Variants in KCNAB1 observed in about 807,000 individuals in gnomAD.
The protein encoded by KCNAB1 is potassium voltage-gated channel subfamily A regulatory beta subunit 1, also known as voltage-gated potassium channel subunit beta-1.
A neutral mutation model predicts 64.6 loss-of-function variants in KCNAB1; 35 were observed. That is an observed-to-expected ratio of 0.54 (90% CI 0.41 to 0.72). KCNAB1 has a LOEUF of 0.72. Among genes scored for constraint, KCNAB1 ranks in the 30% least tolerant of loss-of-function variants. KCNAB1 has a pLI of 0.00. For synonymous variants in KCNAB1, 177 were observed against 183.8 expected (o/e 0.96, Z 0.30); for missense variants, 401 against 512.9 (o/e 0.78, Z 2.11).
At chr3:156,139,067 A>C (rs1714541427) in intron 1 of KCNAB1, among the ~76,000 whole-genome samples, 1 of 152,234 alleles carries the variant, frequency 6.6e-6, no homozygotes, top group Non-Finnish European at 1.5e-5. Context: ...AAGGAAAGCA[A>C]GAAAGACATT....
intron 2 of KCNAB1, among the ~76,000 whole-genome samples, chr3:156,439,700 C>T (rs906819113): frequency 2.0e-5 from 3 of 152,220 alleles, no homozygotes; most frequent in East Asian, 1.9e-4. Flanking sequence ...CATCACCAGA[C>T]GAGATCTTTG....
intron 1 of KCNAB1, among the ~76,000 whole-genome samples, chr3:156,373,148 T>G (rs1726426610): frequency 6.6e-6 from 1 of 152,260 alleles, no homozygotes; most frequent in Non-Finnish European, 1.5e-5. Flanking sequence ...CTGAGCTTCT[T>G]AGGTCAAACA....
intron 8 of KCNAB1, among the ~76,000 whole-genome samples, chr3:156,493,809 G>A (rs1427867175): frequency 6.6e-6 from 1 of 152,092 alleles, no homozygotes; most frequent in Non-Finnish European, 1.5e-5. Context: ...ATTTCCTAGT[G>A]ATTAAATTCA....
At chr3:156,201,085 T>G (rs1714302467) in intron 1 of KCNAB1, among the ~76,000 whole-genome samples, 1 of 152,172 alleles carries the variant, frequency 6.6e-6, no homozygotes. Flanking sequence ...CCTAGCTCCT[T>G]GCACTTCCCA....
chr3:156,408,637 G>A (rs572374843), intron 1 of KCNAB1, among the ~76,000 whole-genome samples: 2 of 151,944 alleles, frequency 1.3e-5, no homozygotes, highest in African/African-American at 2.4e-5. Context: ...AAAATTAGCC[G>A]GGTGTGGTGG....
intron 2 of KCNAB1, among the ~76,000 whole-genome samples, chr3:156,427,023 G>C (rs1715867565): frequency 6.6e-6 from 1 of 152,188 alleles, no homozygotes; most frequent in Non-Finnish European, 1.5e-5. Flanking sequence ...AGTTGATGAT[G>C]AGGCAGTGGT....
intron 12 of KCNAB1, among the ~76,000 whole-genome samples, chr3:156,528,764 C>G (rs914829529): frequency 6.6e-6 from 1 of 152,166 alleles, no homozygotes; most frequent in Admixed American, 6.5e-5. Flanking sequence ...GATTTAAAGA[C>G]AGGTGAGTGC....
At chr3:156,538,660 G>A (rs1719241981), downstream of KCNAB1, 1 of 152,114 alleles carries the variant, frequency 6.6e-6, no homozygotes, top group Non-Finnish European at 1.5e-5. Context: ...TTCCATATAT[G>A]TAAAACATAC....
At chr3:156,502,975 GT>G (rs1234104071) in intron 8 of KCNAB1, among the ~76,000 whole-genome samples, 1 of 152,170 alleles carries the variant, frequency 6.6e-6, no homozygotes. Flanking sequence ...CATTTTGAGT[GT>G]TTTTAAATGA....
intron 1 of KCNAB1, among the ~76,000 whole-genome samples, chr3:156,319,276 C>T (rs1192999189): frequency 6.6e-6 from 1 of 152,158 alleles, no homozygotes; most frequent in Non-Finnish European, 1.5e-5. Context: ...CCCAAGATCT[C>T]AGCAGCTTTA....
At chr3:156,531,065 A>G (rs1718669424) in intron 12 of KCNAB1, among the ~76,000 whole-genome samples, 1 of 152,226 alleles carries the variant, frequency 6.6e-6, no homozygotes, top group African/African-American at 2.4e-5. Flanking sequence ...ATAGTAGGCT[A>G]GCAATTGGAA....
rs1378312225 is a variant in KCNAB1, at chr3:156,493,001, A to G, written c.658+18181A>G. Reference sequence around the variant, plus strand: ...TAAATACTGTGCATGTATTACTTTGACAAAGCTAAAGAGTAAAACAATAAC... The same window carrying G: ...TAAATACTGTGCATGTATTACTTTGGCAAAGCTAAAGAGTAAAACAATAAC... On this transcript the variant is annotated intron_variant, in intron 8 of 13. Coordinates refer to ENST00000490337, the MANE Select transcript of KCNAB1 (RefSeq NM_172160.3). 2.0e-4 allele frequency among the ~76,000 whole-genome samples: 30 copies of G among 152,166 alleles called. 1 individual carries two copies. Among genetic ancestry groups the G allele is most frequent in the Non-Finnish European group, 1.8e-4 (12 of 68,014 alleles).
intron 1 of KCNAB1, among the ~76,000 whole-genome samples, chr3:156,229,562 A>ACAC (rs1716395412): frequency 6.6e-6 from 1 of 152,260 alleles, no homozygotes; most frequent in Non-Finnish European, 1.5e-5. Flanking sequence ...GACAACACTT[A>ACAC]TTCATCCTGA....
At chr3:156,314,971 G>A (rs920616352) in intron 1 of KCNAB1, among the ~76,000 whole-genome samples, 14 of 152,018 alleles carry the variant, frequency 9.2e-5, no homozygotes, top group African/African-American at 2.4e-4. Context: ...CCGAGATTGC[G>A]CAACTGCACT....
rs1190165201 is a variant in KCNAB1 at position 156,421,609 on chromosome 3, A to G, written c.276-7A>G. The G allele has an allele frequency of 3.1e-6, 5 of 1,613,492 alleles. No individual in the cohort carries two copies. The highest frequency in any genetic ancestry group is 4.2e-6 in the Non-Finnish European group (5 of 1,179,668). On this transcript the variant is annotated splice_region_variant and splice_polypyrimidine_tract_variant and intron_variant, in intron 1 of 13. Coordinates refer to ENST00000490337, the MANE Select transcript of KCNAB1 (RefSeq NM_172160.3). ...GATGACCAAGTGTTGCTTTGTTTTT[A>G]TTATAGGAATCTTGGAAAATCAGGA...
intron 1 of KCNAB1, among the ~76,000 whole-genome samples, chr3:156,310,925 AGG>A (rs1721854010): frequency 1.3e-5 from 2 of 152,226 alleles, no homozygotes; most frequent in South Asian, 4.1e-4. Flanking sequence ...GGCAGCAATT[AGG>A]GCCCAGATGT....
chr3:156,356,280 G>A (rs1725234974), intron 1 of KCNAB1, among the ~76,000 whole-genome samples: 1 of 152,082 alleles, frequency 6.6e-6, no homozygotes, highest in East Asian at 1.9e-4. Context: ...ACTTATGGAG[G>A]AATGAATGTG....
intron 1 of KCNAB1, among the ~76,000 whole-genome samples, chr3:156,281,026 C>T (rs1341241946): frequency 1.1e-4 from 16 of 151,542 alleles, no homozygotes; most frequent in Non-Finnish European, 1.9e-4. Context: ...TGAGAGAGGA[C>T]ATCCCTGTCT....
chr3:156,142,089 A>G (rs775597841), intron 1 of KCNAB1, among the ~76,000 whole-genome samples: 1 of 152,140 alleles, frequency 6.6e-6, no homozygotes, highest in Non-Finnish European at 1.5e-5. Flanking sequence ...CCCGTTTACC[A>G]ATTAGATTGT....
Sources: gnomAD v4.1 joint callset for allele counts (sites outside exome capture counted in the v4.1 genomes callset) on GRCh38, gnomAD v4.1.1 for gene constraint, MANE v1.5 for transcripts, NCBI Gene and HGNC (gene_info 2026-07-23, HGNC 2026-07-21) for gene names.